Variants in CATIP observed in about 807,000 individuals in gnomAD.
CATIP encodes ciliogenesis associated TTC17 interacting protein.
In CATIP, 40 loss-of-function variants were observed where a neutral mutation model predicts 42.5. The ratio of observed to expected loss-of-function variants is 0.94; its 90% CI spans 0.73 to 1.22. The LOEUF is 1.22. Ranked by LOEUF, CATIP falls within the 50% of genes most tolerant of loss-of-function variation. The pLI, the probability that CATIP is intolerant of heterozygous loss-of-function variation, is 0.00. For missense variants in CATIP, 489 were observed against 496.0 expected (o/e 0.99, Z 0.13); for synonymous variants, 222 against 200.2 (o/e 1.11, Z -0.92).
chr2:218,364,446 G>C (rs1695353342), intron 6 of CATIP, among the ~76,000 whole-genome samples, 182 bp from the exon 7 acceptor site: 1 of 152,196 alleles, frequency 6.6e-6, no homozygotes, highest in Non-Finnish European at 1.5e-5. Context: ...GAGGGGTCAG[G>C]GCAAGGGCAA....
At chr2:218,360,814 G>C (rs951953922) in intron 5 of CATIP, among the ~76,000 whole-genome samples, 155 bp downstream of exon 5, 3 of 151,126 alleles carry the variant, frequency 2.0e-5, no homozygotes, top group African/African-American at 7.3e-5. Context: ...GCCCAAAGTG[G>C]TTGGGGCACA....
intron 5 of CATIP, among the ~76,000 whole-genome samples, chr2:218,362,370 A>G (rs9677109): frequency 7.0e-6 from 1 of 142,190 alleles, no homozygotes; most frequent in Non-Finnish European, 1.5e-5. Context: ...AAAAAAAAAA[A>G]GGCTCACGCC....
At chr2:218,361,538 A>G (rs755273113) in intron 5 of CATIP, among the ~76,000 whole-genome samples, 3 of 152,148 alleles carry the variant, frequency 2.0e-5, no homozygotes, top group Non-Finnish European at 4.4e-5. Flanking sequence ...AAAAGTAGTC[A>G]CTTATGCCTT....
At position 218,367,956 on chromosome 2, in the gene CATIP, G is replaced by T. The variant is rs747109328; in HGVS notation, c.1156G>T (p.Ala386Ser). The change falls in exon 10 of 10, where the codon GCG becomes TCG. Residue 386 changes from alanine (A) to serine (S), a missense_variant. Ala to Ser is a moderately conservative substitution (Grantham distance 99). Transcript: ENST00000289388. ...GCCGGAGGGAGACGCCCGCTCGGGG[G>T]CGGCCTAAGCGGGGCCCAGGCCCGG... ...LEPEGDARSGAA is the reference protein window; with the variant it reads ...LEPEGDARSGSA 3.8e-6 allele frequency: 6 copies of T among 1,577,962 alleles called. No individual in the cohort carries two copies. Among genetic ancestry groups the T allele is most frequent in the South Asian group, 1.1e-5 (1 of 88,154 alleles).
Position 218,367,044 on chromosome 2 carries a change from AG to A in CATIP, c.778del (p.Val260TrpfsTer15), listed in dbSNP as rs1182029184. 1.9e-6 allele frequency: 3 copies of A among 1,613,950 alleles called. No homozygotes were observed. The highest frequency in any genetic ancestry group is 3.3e-5 in the Admixed American group (2 of 60,008). Reference protein sequence around the residue: ...LSDGHLAKRIQVGSPGCCIIT... With the variant: ...LSDGHLAKRIXVGSPGCCIIT... ...TCCAGGCACCTGGCCAAGAGAATACAGGTGGGCTCCCCAGGGTGCTGCATCA... is the reference window on the plus strand; with the variant it reads ...TCCAGGCACCTGGCCAAGAGAATACAGTGGGCTCCCCAGGGTGCTGCATCA... On this transcript the variant is annotated frameshift_variant, in exon 8 of 10. Transcript: ENST00000289388. LOFTEE classifies it high-confidence loss of function.
chr2:218,360,475 TC>T, intron 4 of CATIP, 97 bp from the exon 5 acceptor site: 2 of 911,610 alleles, frequency 2.2e-6, no homozygotes, highest in Non-Finnish European at 3.5e-6. Flanking sequence ...TAAGTCACAA[TC>T]TTTAAACCTC....
intron 8 of CATIP, 40 bp from the exon 9 acceptor site, chr2:218,367,390 C>G (rs1450162302): frequency 3.8e-6 from 6 of 1,570,224 alleles, no homozygotes; most frequent in Non-Finnish European, 5.3e-6. Context: ...AAGGAAGGTT[C>G]CGGGGTAGGG....
chr2:218,367,866 C>A lies in CATIP; in HGVS notation c.1066C>A (p.Pro356Thr). The A allele has an allele frequency of 6.2e-7, 1 of 1,613,058 alleles. No homozygotes were observed. Among genetic ancestry groups the A allele is most frequent in the Non-Finnish European group, 8.5e-7 (1 of 1,179,872 alleles). The change falls in exon 10 of 10, where the codon CCG (proline) becomes ACG (threonine). Residue 356 changes from proline (P) to threonine (T), a missense_variant. Coordinates refer to ENST00000289388, the MANE Select transcript of CATIP (RefSeq NM_198559.2). ...FAAEFFGPFD[P>T]WRPSSPALGS... ...CGCCGAGTTCTTCGGCCCCTTCGAC[C>A]CGTGGCGTCCGTCGTCACCGGCCTT...
At chr2:218,358,149 C>A in intron 4 of CATIP, 57 bp downstream of exon 4, 1 of 1,462,764 alleles carries the variant, frequency 6.8e-7, no homozygotes, top group Non-Finnish European at 9.4e-7. Flanking sequence ...CAGATTTTGA[C>A]TTAAAAAACA....
rs1181363002 is a variant in CATIP at position 218,362,841 on chromosome 2, T to C, written c.569T>C (p.Val190Ala). 3.1e-6 allele frequency: 5 copies of C among 1,613,912 alleles called. No individual in the cohort carries two copies. The African/African-American group carries it at 6.7e-5, about 22-fold the overall frequency. ...AGGGTGATGGCCTGGCGGCGGATGG[T>C]GCCCAGCAATGCCCGCTTCCTGACC... ...LLRVMAWRRM[V>A]PSNARFLTLD... is the part of the protein sequence containing the mutation. Residue 190 changes from valine to alanine, a missense_variant, in exon 6 of 10, where the codon GTG (valine) becomes GCG (alanine). Coordinates refer to ENST00000289388, the MANE Select transcript of CATIP (RefSeq NM_198559.2).
At chr2:218,357,959 C>G in intron 3 of CATIP, 78 bp from the exon 4 acceptor site, 2 of 1,379,644 alleles carry the variant, frequency 1.4e-6, no homozygotes, top group South Asian at 1.2e-5. Context: ...AGTCCTCCAG[C>G]TGCGCCACCA....
At chr2:218,359,277 G>T (rs1302493470) in intron 4 of CATIP, among the ~76,000 whole-genome samples, 7 of 147,912 alleles carry the variant, frequency 4.7e-5, no homozygotes, top group African/African-American at 1.8e-4. Flanking sequence ...AGGAGGCGAA[G>T]GTCGCAGTAA....
intron 4 of CATIP, among the ~76,000 whole-genome samples, chr2:218,358,995 G>A (rs1695141534): frequency 6.6e-6 from 1 of 151,738 alleles, no homozygotes; most frequent in African/African-American, 2.4e-5. Flanking sequence ...ACCTGAGGTC[G>A]GGAGTTGAAG....
In CATIP at chr2:218,360,764, C is replaced by T. The variant is rs944131321; in HGVS notation, c.462+105C>T. 161 of 817,404 alleles carry T rather than the reference C, an allele frequency of 2.0e-4. 1 individual carries two copies. The highest frequency in any genetic ancestry group is 2.9e-4 in the Non-Finnish European group (146 of 501,658). 50.6% of individuals were successfully genotyped at this position (817,404 alleles called of 1,614,324 possible). On this transcript the variant is annotated intron_variant, in intron 5 of 9. Transcript: ENST00000289388. ...GAGTTTATTTTGCCAAGGTTAAGGA[C>T]GCGCACATGACACAGCCTCAGGAGG...
At chr2:218,359,297 A>G (rs1419451192) in intron 4 of CATIP, among the ~76,000 whole-genome samples, 6 of 145,364 alleles carry the variant, frequency 4.1e-5, no homozygotes, top group African/African-American at 1.3e-4. Context: ...AGCCAGGATC[A>G]CACCACTGCA....
chr2:218,356,995 T>C, intron 1 of CATIP, 86 bp downstream of exon 1: 1 of 1,588,298 alleles, frequency 6.3e-7, no homozygotes, highest in South Asian at 1.1e-5. Context: ...AGGATTCTGT[T>C]CTTGGGTGCT....
Position 218,357,697 on chromosome 2 carries a change from C to T in CATIP, c.282C>T (p.Gly94=). ...TCTTCGTGCATGCCTCTAGCCGAGG[C>T]TTCTTGGACAAAATGCTCTGCGGAA... ...YCLFVHASSR[G]FLDKMLCGNS... is the part of the protein sequence containing the mutation. The change falls in exon 3 of 10, where the codon GGC becomes GGT. Residue 94 remains glycine, a synonymous_variant. Coordinates refer to ENST00000289388, the MANE Select transcript of CATIP (RefSeq NM_198559.2). 13 of 1,613,988 alleles carry T rather than the reference C, an allele frequency of 8.1e-6. No individual in the cohort carries two copies. The highest frequency in any genetic ancestry group is 1.0e-5 in the Non-Finnish European group (12 of 1,180,008).
rs1474971484 is a variant in CATIP, at chr2:218,368,008, T to A, written c.*44T>A. On this transcript the variant is annotated 3_prime_UTR_variant, in exon 10 of 10. Coordinates refer to ENST00000289388, the MANE Select transcript of CATIP (RefSeq NM_198559.2). ...CAGGGCAGGAAACCAGGGGTCGGGC[T>A]GGGACGCGGGCGGGACGCGCCGGGG... 1.4e-6 allele frequency: 2 copies of A among 1,470,092 alleles called. No homozygotes were observed. Among genetic ancestry groups the A allele is most frequent in the Non-Finnish European group, 8.9e-7 (1 of 1,117,380 alleles). The allele number at this position is 1,470,092 out of a possible 1,614,324, so 91.1% of individuals were successfully genotyped here. A position where few individuals can be genotyped will look rare whatever the true frequency, so the allele number is the denominator to read the frequency against.
chr2:218,367,365 T>C, intron 8 of CATIP, 65 bp from the exon 9 acceptor site: 2 of 1,440,762 alleles, frequency 1.4e-6, no homozygotes, highest in Non-Finnish European at 2.0e-6. Flanking sequence ...GTTCTCGGGA[T>C]CTCGCTGTGT....
Sources: allele counts gnomAD v4.1 joint callset (sites outside exome capture counted in the v4.1 genomes callset), GRCh38; gene constraint gnomAD v4.1.1; transcripts MANE v1.5; gene names NCBI Gene and HGNC (gene_info 2026-07-23, HGNC 2026-07-21).